The following DLG2 variants were observed in gnomAD, a reference collection of about 807,000 sequenced individuals.
DLG2 encodes disks large homolog 2.
Under a neutral mutation model 132.5 loss-of-function variants are expected in DLG2, and 45 were observed. That is an observed-to-expected ratio of 0.34 (90% CI 0.27 to 0.44). The LOEUF (loss-of-function observed/expected upper bound fraction) is 0.44. Among genes scored for constraint, DLG2 ranks in the 20% least tolerant of loss-of-function variants. The pLI is 1.00. For missense variants in DLG2, 1,045 were observed against 1,196.9 expected (o/e 0.87, Z 1.87); for synonymous variants, 424 against 419.6 (o/e 1.01, Z -0.13).
intron 19 of DLG2, chr11:83,632,684 T>C (rs1352414001): frequency 6.6e-6 from 1 of 152,616 alleles, no homozygotes; most frequent in African/African-American, 2.4e-5. Context: ...GTAACTTCTA[T>C]GGTCTGAGAA....
chr11:83,619,172 C>T (rs908588905), intron 19 of DLG2, among the ~76,000 whole-genome samples: 2 of 152,196 alleles, frequency 1.3e-5, no homozygotes, highest in African/African-American at 4.8e-5. Context: ...GATGCATCAT[C>T]AACGAATGCA....
At chr11:84,503,892 T>G (rs1004017937) in intron 7 of DLG2, among the ~76,000 whole-genome samples, 1 of 152,136 alleles carries the variant, frequency 6.6e-6, no homozygotes, top group African/African-American at 2.4e-5. Flanking sequence ...TGTTTATTCC[T>G]TCTTAGCTTC....
At chr11:85,208,520 T>C (rs550730272) in intron 4 of DLG2, among the ~76,000 whole-genome samples, 1 of 152,296 alleles carries the variant, frequency 6.6e-6, no homozygotes, top group East Asian at 1.9e-4. Context: ...CTAAGCATTT[T>C]AGAACACAGT....
At chr11:85,594,309 T>C (rs7942218) in intron 3 of DLG2, among the ~76,000 whole-genome samples, 8,829 of 152,284 alleles carry the variant, frequency 0.058, 824 homozygotes, top group African/African-American at 0.2. Context: ...TTAAGATTTA[T>C]GGAAATGAAA....
At chr11:84,560,217 C>T (rs1283135514) in intron 6 of DLG2, among the ~76,000 whole-genome samples, 1 of 152,030 alleles carries the variant, frequency 6.6e-6, no homozygotes, top group Non-Finnish European at 1.5e-5. Context: ...TGATTTTAGC[C>T]AATGTTCTCA....
At chr11:83,797,467 G>A (rs1161616730) in intron 17 of DLG2, among the ~76,000 whole-genome samples, 1 of 151,954 alleles carries the variant, frequency 6.6e-6, no homozygotes, top group East Asian at 1.9e-4. Flanking sequence ...AGTCAGGAAT[G>A]AAACCCAGGC....
intron 7 of DLG2, among the ~76,000 whole-genome samples, chr11:84,326,286 T>C (rs1365885636): frequency 6.6e-6 from 1 of 152,152 alleles, no homozygotes; most frequent in African/African-American, 2.4e-5. Context: ...TAGTTTGTCT[T>C]CCTTTTTCCA....
intron 7 of DLG2, among the ~76,000 whole-genome samples, chr11:84,295,609 T>C (rs373736410): frequency 6.6e-6 from 1 of 152,186 alleles, no homozygotes; most frequent in African/African-American, 2.4e-5. Context: ...CCTCATTTTA[T>C]AGTTGAGATG....
chr11:84,649,814 G>A (rs61899025), intron 6 of DLG2, among the ~76,000 whole-genome samples: 23,699 of 152,000 alleles, frequency 0.16, 2,295 homozygotes, highest in African/African-American at 0.27. Flanking sequence ...TGGTTCTAAG[G>A]AAGGATTCCA....
chr11:84,907,440 A>G (rs1278887129), intron 6 of DLG2, among the ~76,000 whole-genome samples: 1 of 152,182 alleles, frequency 6.6e-6, no homozygotes, highest in African/African-American at 2.4e-5. Flanking sequence ...TCCCAACAAC[A>G]GTTCAATTAA....
chr11:83,944,731 A>G (rs760769896), intron 14 of DLG2, among the ~76,000 whole-genome samples: 1 of 152,228 alleles, frequency 6.6e-6, no homozygotes, highest in Non-Finnish European at 1.5e-5. Flanking sequence ...ACACCAGGCA[A>G]CAAAACTGCT....
intron 6 of DLG2, among the ~76,000 whole-genome samples, chr11:84,990,859 T>G (rs776647188): frequency 6.6e-6 from 1 of 152,014 alleles, no homozygotes; most frequent in Non-Finnish European, 1.5e-5. Context: ...ACCCAGAAAT[T>G]GCACTCCTGG....
intron 3 of DLG2, among the ~76,000 whole-genome samples, chr11:85,408,833 T>C (rs1459858037): frequency 6.6e-6 from 1 of 151,530 alleles, no homozygotes; most frequent in Non-Finnish European, 1.5e-5. Flanking sequence ...TCTTTGCTAT[T>C]GTGAATAATG....
intron 3 of DLG2, among the ~76,000 whole-genome samples, chr11:85,418,875 C>G (rs1171411713): frequency 6.6e-6 from 1 of 152,142 alleles, no homozygotes. Flanking sequence ...TGGGTCTTGG[C>G]TCTTTATCCT....
intron 10 of DLG2, among the ~76,000 whole-genome samples, chr11:84,081,823 G>T (rs1288644675): frequency 2.0e-5 from 3 of 152,070 alleles, no homozygotes; most frequent in African/African-American, 7.2e-5. Flanking sequence ...TAATCCTTTG[G>T]GTATATACCC....
chr11:84,175,512 C>G (rs988421571), intron 8 of DLG2, among the ~76,000 whole-genome samples: 1 of 152,138 alleles, frequency 6.6e-6, no homozygotes, highest in African/African-American at 2.4e-5. Context: ...CTTAATTTCT[C>G]TCTAATCATT....
At chr11:85,060,334 A>G (rs2063929600) in intron 6 of DLG2, among the ~76,000 whole-genome samples, 1 of 150,468 alleles carries the variant, frequency 6.6e-6, no homozygotes, top group African/African-American at 2.4e-5. Flanking sequence ...AGCATATTAT[A>G]TACATATATG....
intron 3 of DLG2, among the ~76,000 whole-genome samples, chr11:85,346,283 G>A (rs1039175922): frequency 6.6e-6 from 1 of 151,732 alleles, no homozygotes; most frequent in Non-Finnish European, 1.5e-5. Flanking sequence ...TGCCTCCTGG[G>A]TTCACGCCAT....
intron 6 of DLG2, among the ~76,000 whole-genome samples, chr11:84,937,996 A>G (rs1022067133): frequency 1.3e-5 from 2 of 152,166 alleles, no homozygotes; most frequent in Non-Finnish European, 2.9e-5. Flanking sequence ...ACTAGACTAG[A>G]ATCCAAGTCA....
Sources: allele counts gnomAD v4.1 joint callset (sites outside exome capture counted in the v4.1 genomes callset), GRCh38; gene constraint gnomAD v4.1.1; transcripts MANE v1.5; gene names NCBI Gene and HGNC (gene_info 2026-07-23, HGNC 2026-07-21).